The following TMTC4 variants were observed in gnomAD, a reference collection of about 807,000 sequenced individuals.
TMTC4 encodes protein O-mannosyl-transferase TMTC4.
Under a neutral mutation model 86.0 loss-of-function variants are expected in TMTC4, and 65 were observed. The ratio of observed to expected loss-of-function variants is 0.76; its 90% CI spans 0.62 to 0.93. The LOEUF is 0.93. TMTC4 is among the 40% of genes least tolerant of loss of function. TMTC4 has a pLI of 0.00. For synonymous variants in TMTC4, 379 were observed against 382.5 expected, an observed-to-expected ratio of 0.99 and a Z score of 0.11; for missense variants, 866 against 948.1, an observed-to-expected ratio of 0.91 and a Z score of 1.14.
At position 100,608,303 on chromosome 13, in the gene TMTC4, C is replaced by T. The variant is rs182833472; in HGVS notation, c.2065-1876G>A. On this transcript the variant is annotated intron_variant, in intron 17 of 18. Coordinates refer to ENST00000342624, the MANE Select transcript of TMTC4 (RefSeq NM_032813.5). ...TCAGATCTGACACCTTGTTAGAGGG[C>T]CACTGCTGTCAGCAAGGGCTGGACC... Among the ~76,000 whole-genome samples the T allele has an allele frequency of 9.9e-5, 15 of 152,252 alleles. No homozygotes were observed. In the East Asian group the frequency reaches 1.4e-3, roughly 14 times the overall value.
At chr13:100,638,803 T>G (rs1277927005) in intron 7 of TMTC4, 1 of 152,280 alleles carries the variant, frequency 6.6e-6, no homozygotes, top group Non-Finnish European at 1.5e-5. Context: ...AGCAGGCCTT[T>G]GCCAGGCAGG....
At chr13:100,671,769 C>T (rs890392572) in intron 1 of TMTC4, among the ~76,000 whole-genome samples, 1 of 151,806 alleles carries the variant, frequency 6.6e-6, no homozygotes, top group East Asian at 1.9e-4. Flanking sequence ...AGGCCTCCCA[C>T]TTCTTTGCTG....
At chr13:100,614,243 T>C in intron 16 of TMTC4, 73 bp downstream of exon 16, 1 of 1,121,232 alleles carries the variant, frequency 8.9e-7, no homozygotes, top group Non-Finnish European at 1.3e-6. Context: ...CAATAATCTC[T>C]ATTTCCTAAG....
intron 17 of TMTC4, 61 bp from the exon 18 acceptor site, chr13:100,606,488 C>A: frequency 7.3e-7 from 1 of 1,378,964 alleles, no homozygotes; most frequent in South Asian, 1.3e-5. Context: ...AAGCAGTTCC[C>A]AGTTTTATCA....
chr13:100,663,950 C>T (rs1020636060), intron 4 of TMTC4, among the ~76,000 whole-genome samples: 2 of 152,228 alleles, frequency 1.3e-5, no homozygotes, highest in Non-Finnish European at 2.9e-5. Flanking sequence ...GATGCTTTCA[C>T]TCATATTATT....
At chr13:100,637,429 T>G in intron 9 of TMTC4, 109 bp downstream of exon 9, 1 of 1,398,740 alleles carries the variant, frequency 7.1e-7, no homozygotes, top group Middle Eastern at 2.7e-4. Context: ...GCGCGTGTAT[T>G]GGGGATTTTG....
In TMTC4 at chr13:100,670,485, T is replaced by G; in HGVS notation, c.-123A>C. 2.0e-6 allele frequency: 2 copies of G among 1,000,216 alleles called. No homozygotes were observed. The highest frequency in any genetic ancestry group is 1.7e-5 in the South Asian group (1 of 58,892). The allele number at this position is 1,000,216 out of a possible 1,614,324, so 62.0% of individuals were successfully genotyped here. On this transcript the variant is annotated 5_prime_UTR_variant, in exon 2 of 19. An upstream start codon of the reference 5' UTR is lost. Coordinates refer to ENST00000342624, the MANE Select transcript of TMTC4 (RefSeq NM_032813.5). ...GAGCCTCACAGCCTGGCATACGGCA[T>G]GCTCTCAGCAAGTGCTGGGGGAATA...
At chr13:100,642,539 G>A (rs925265923) in intron 6 of TMTC4, among the ~76,000 whole-genome samples, 23 of 152,098 alleles carry the variant, frequency 1.5e-4, no homozygotes, top group Non-Finnish European at 2.8e-4. Flanking sequence ...AGGGCCTTTG[G>A]GAGGCACTGT....
chr13:100,649,013 T>A (rs1884097654), intron 6 of TMTC4, among the ~76,000 whole-genome samples: 1 of 152,154 alleles, frequency 6.6e-6, no homozygotes, highest in Non-Finnish European at 1.5e-5. Context: ...TATCCAGTCA[T>A]AAGACTAAGC....
At chr13:100,614,249 C>A in intron 16 of TMTC4, 67 bp downstream of exon 16, 1 of 1,180,582 alleles carries the variant, frequency 8.5e-7, no homozygotes, top group East Asian at 2.4e-5. Flanking sequence ...TCTCTATTTC[C>A]TAAGTCTTCG....
chr13:100,647,763 C>T (rs926865613), intron 6 of TMTC4, among the ~76,000 whole-genome samples: 9 of 152,306 alleles, frequency 5.9e-5, no homozygotes, highest in African/African-American at 2.2e-4. Context: ...TGATGGGCTC[C>T]TCTAGAATTC....
rs193029440 is a variant in TMTC4 at position 100,666,946 on chromosome 13, C to T, written c.219+1633G>A. On this transcript the variant is annotated intron_variant, in intron 3 of 18. Coordinates refer to ENST00000342624, the MANE Select transcript of TMTC4 (RefSeq NM_032813.5). ...CGGAGGCTGCAGTGAACTATGACTG[C>T]ACCACTGCACTCCAGCCTGGGCAAC... 4.0e-4 allele frequency among the ~76,000 whole-genome samples: 61 copies of T among 152,352 alleles called. 1 individual carries two copies. The highest frequency in any genetic ancestry group is 7.1e-4 in the Non-Finnish European group (48 of 68,034).
At chr13:100,673,656 C>T (rs1353899681) in intron 1 of TMTC4, among the ~76,000 whole-genome samples, 1 of 152,238 alleles carries the variant, frequency 6.6e-6, no homozygotes, top group East Asian at 1.9e-4. Context: ...CTGTGACGGC[C>T]TTCCCATTTT....
chr13:100,634,849 G>C lies in TMTC4; in HGVS notation c.1462C>G (p.Gln488Glu). Reference protein sequence around the residue: ...LRSGEWRSEEQLFRSALSVCP... With the variant: ...LRSGEWRSEEELFRSALSVCP... ...ACAGACAGAGCACTTCTGAAAAGCT[G>C]TTCCTCACTCCGCCACTCGCCGCTG... The change falls in exon 12 of 19, where the codon CAG becomes GAG. Residue 488 changes from glutamine (Q) to glutamate (E), a missense_variant. Transcript: ENST00000342624. The C allele has an allele frequency of 6.2e-7, 1 of 1,614,146 alleles. No homozygotes were observed. Among genetic ancestry groups the C allele is most frequent in the Non-Finnish European group, 8.5e-7 (1 of 1,180,038 alleles).
intron 12 of TMTC4, among the ~76,000 whole-genome samples, chr13:100,632,067 T>A (rs943111751): frequency 2.9e-4 from 27 of 92,822 alleles, no homozygotes; most frequent in Admixed American, 9.5e-4. Flanking sequence ...TCTCTCTCTC[T>A]CTCTCTCTCT....
rs1878128828 is a variant in TMTC4 at position 100,614,331 on chromosome 13, G to C, written c.1936C>G (p.Leu646Val). 4 of 1,613,446 alleles carry C rather than the reference G, an allele frequency of 2.5e-6. No individual in the cohort carries two copies. The highest frequency in any genetic ancestry group is 3.4e-6 in the Non-Finnish European group (4 of 1,179,816). ...HSLAWNNMII[L>V]LDNTGNLAQA... ...CTTTCTGTACCTGTATTGTCGAGGA[G>C]TATAATCATGTTGTTCCAGGCCAGG... The change falls in exon 16 of 19, where the codon CTC becomes GTC. Residue 646 changes from leucine to valine, a missense_variant. Leu to Val is a conservative substitution (Grantham distance 32). Transcript: ENST00000342624.
In TMTC4 at chr13:100,604,492, C is replaced by T. The variant is rs911579912; in HGVS notation, c.*502G>A. The T allele has an allele frequency of 5.3e-5, 8 of 152,148 alleles. No homozygotes were observed. Among genetic ancestry groups the T allele is most frequent in the African/African-American group, 1.9e-4 (8 of 41,512 alleles). The allele number at this position is 152,148 out of a possible 1,614,324, so 9.4% of individuals were successfully genotyped here. On this transcript the variant is annotated 3_prime_UTR_variant, in exon 19 of 19. Coordinates refer to ENST00000342624, the MANE Select transcript of TMTC4 (RefSeq NM_032813.5). ...AAAAATACAAATAAATATTTCCTTACAAAGTTCACAGTATGTTGTTTTAAA... is the reference window on the plus strand; with the variant it reads ...AAAAATACAAATAAATATTTCCTTATAAAGTTCACAGTATGTTGTTTTAAA...
chr13:100,667,098 T>A lies in TMTC4; in HGVS notation c.219+1481A>T, dbSNP rs139010107. 1.6e-3 allele frequency among the ~76,000 whole-genome samples: 245 copies of A among 152,320 alleles called. 1 individual carries two copies. The highest frequency in any genetic ancestry group is 5.7e-3 in the African/African-American group (237 of 41,586). The stretch of plus-strand genomic sequence containing the variant: ...AAACAGAATCATCTACAGTAACTGC[T>A]GAGTGAATCTGAGGAAAATTACAAA... On this transcript the variant is annotated intron_variant, in intron 3 of 18. Coordinates refer to ENST00000342624, the MANE Select transcript of TMTC4 (RefSeq NM_032813.5).
At chr13:100,647,338 G>A (rs764659708) in intron 6 of TMTC4, among the ~76,000 whole-genome samples, 7 of 152,160 alleles carry the variant, frequency 4.6e-5, no homozygotes, top group Non-Finnish European at 1.0e-4. Context: ...TGCCATGGCC[G>A]GGCTCCATCC....
Sources: gnomAD v4.1 joint callset for allele counts (sites outside exome capture counted in the v4.1 genomes callset) on GRCh38, gnomAD v4.1.1 for gene constraint, MANE v1.5 for transcripts, NCBI Gene and HGNC (gene_info 2026-07-23, HGNC 2026-07-21) for gene names.